The following THSD4 variants were observed in gnomAD, a reference collection of about 807,000 sequenced individuals.
THSD4 encodes the protein thrombospondin type 1 domain containing 4.
Under a neutral mutation model 119.0 loss-of-function variants are expected in THSD4, and 69 were observed. The ratio of observed to expected loss-of-function variants is 0.58; its 90% CI spans 0.48 to 0.71. The LOEUF (loss-of-function observed/expected upper bound fraction) is 0.71, where lower values mean the gene tolerates loss of function less well. Among genes scored for constraint, THSD4 ranks in the 30% least tolerant of loss-of-function variants. The probability of loss-of-function intolerance (pLI) is 0.00; values close to 1 mark genes in which losing one functional copy is unlikely to be tolerated. For missense variants in THSD4, 1,393 were observed against 1,391.1 expected, an observed-to-expected ratio of 1.00 and a Z score of -0.02; for synonymous variants, 524 against 540.4, an observed-to-expected ratio of 0.97 and a Z score of 0.42.
chr15:71,540,613 G>C (rs112372355), intron 7 of THSD4, among the ~76,000 whole-genome samples: 8,305 of 138,394 alleles, frequency 0.06, 262 homozygotes, highest in Middle Eastern at 0.12. Flanking sequence ...ATTTTTAGTA[G>C]AGATGGGGTT....
chr15:71,231,647 C>T (rs1040524063), intron 4 of THSD4, among the ~76,000 whole-genome samples: 2 of 152,174 alleles, frequency 1.3e-5, no homozygotes, highest in East Asian at 3.9e-4. Flanking sequence ...AGCTGATTCT[C>T]ATGCTGGCCT....
chr15:71,665,472 C>CT (rs1311738498), intron 8 of THSD4, among the ~76,000 whole-genome samples: 1 of 152,098 alleles, frequency 6.6e-6, no homozygotes, highest in Non-Finnish European at 1.5e-5. Context: ...TTGACAGTTT[C>CT]TTTTGCTGTG....
At chr15:71,726,570 AT>A (rs1330305208) in intron 8 of THSD4, among the ~76,000 whole-genome samples, 1 of 152,182 alleles carries the variant, frequency 6.6e-6, no homozygotes, top group Admixed American at 6.5e-5. Context: ...AAAAAGTTAA[AT>A]TTAGGAATTC....
intron 6 of THSD4, among the ~76,000 whole-genome samples, chr15:71,366,506 T>C (rs936550184): frequency 3.3e-5 from 5 of 152,168 alleles, no homozygotes; most frequent in African/African-American, 1.2e-4. Context: ...AGAGTTCTTC[T>C]GAGGCTCCTC....
intron 3 of THSD4, among the ~76,000 whole-genome samples, chr15:71,214,212 G>A (rs1053401214): frequency 4.0e-5 from 6 of 148,318 alleles, no homozygotes; most frequent in Admixed American, 1.3e-4. Flanking sequence ...GGATGTGGGC[G>A]GGGACAAATA....
intron 3 of THSD4, among the ~76,000 whole-genome samples, chr15:71,180,201 T>C (rs1596249003): frequency 7.3e-6 from 1 of 137,302 alleles, no homozygotes; most frequent in Non-Finnish European, 1.6e-5. Context: ...ATCAACAGAG[T>C]ATAAAGGCAA....
At chr15:71,593,563 C>T (rs2049849310) in intron 7 of THSD4, among the ~76,000 whole-genome samples, 2 of 152,006 alleles carry the variant, frequency 1.3e-5, no homozygotes, top group African/African-American at 4.8e-5. Context: ...TGCCCTCCTA[C>T]CTGTTCCTGC....
chr15:71,568,716 A>G (rs1033288294), intron 7 of THSD4, among the ~76,000 whole-genome samples: 1 of 151,988 alleles, frequency 6.6e-6, no homozygotes, highest in African/African-American at 2.4e-5. Flanking sequence ...CATTAGATAT[A>G]TCTCCTCATG....
rs538874659 is a variant in THSD4 at position 71,351,441 on chromosome 15, C to T, written c.1016-60246C>T. On this transcript the variant is annotated intron_variant, in intron 6 of 17. Transcript: ENST00000261862. ...TACTATAGACCCTTAACCAACATTGCTTCTGTTGATTGATTTTACTCTGGT... is the reference window on the plus strand; with the variant it reads ...TACTATAGACCCTTAACCAACATTGTTTCTGTTGATTGATTTTACTCTGGT... Among the ~76,000 whole-genome samples the T allele has an allele frequency of 2.6e-5, 4 of 152,270 alleles. No individual in the cohort carries two copies. The South Asian group carries it at 8.3e-4, about 32-fold the overall frequency.
chr15:71,326,781 G>A (rs985758693), intron 6 of THSD4, among the ~76,000 whole-genome samples: 1 of 134,532 alleles, frequency 7.4e-6, no homozygotes, highest in African/African-American at 2.7e-5. Context: ...AGGCTGAAGT[G>A]GGAGGATCAC....
chr15:71,497,251 G>A (rs1434172684), intron 7 of THSD4, among the ~76,000 whole-genome samples: 1 of 152,210 alleles, frequency 6.6e-6, no homozygotes, highest in Non-Finnish European at 1.5e-5. Flanking sequence ...GGTGGCTTAT[G>A]CCTATAATCC....
intron 7 of THSD4, among the ~76,000 whole-genome samples, chr15:71,515,140 T>C (rs1219855775): frequency 6.6e-6 from 1 of 152,236 alleles, no homozygotes; most frequent in East Asian, 1.9e-4. Context: ...GCAATTTACA[T>C]TCTCACCAGC....
intron 1 of THSD4, among the ~76,000 whole-genome samples, chr15:71,117,160 C>A (rs2040370094): frequency 6.6e-6 from 1 of 152,090 alleles, no homozygotes; most frequent in South Asian, 2.1e-4. Flanking sequence ...GGGAGGCTGG[C>A]CAGTGGAACT....
intron 6 of THSD4, among the ~76,000 whole-genome samples, chr15:71,382,353 C>T (rs951891069): frequency 1.3e-5 from 2 of 152,172 alleles, no homozygotes; most frequent in African/African-American, 4.8e-5. Flanking sequence ...ACAGAGAGGA[C>T]CAAATGCTAG....
rs1595943262 is a variant in THSD4, at chr15:71,778,705, A to C, written c.*1331A>C. 1 of 128,458 alleles carries C rather than the reference A, an allele frequency of 7.8e-6. No homozygotes were observed. Among genetic ancestry groups the C allele is most frequent in the Admixed American group, 8.3e-5 (1 of 12,002 alleles). The allele number at this position is 128,458 out of a possible 1,614,324, so 8.0% of individuals were successfully genotyped here. A position where few individuals can be genotyped will look rare whatever the true frequency, so the allele number is the denominator to read the frequency against. ...CCATGACTCACAGTCCATATGGCCC[A>C]CCCCCAGACTTGAGCACCAAGCTCT... On this transcript the variant is annotated 3_prime_UTR_variant, in exon 18 of 18. Coordinates refer to ENST00000261862, the MANE Select transcript of THSD4 (RefSeq NM_024817.3).
At chr15:71,528,358 A>C (rs1254668692) in intron 7 of THSD4, among the ~76,000 whole-genome samples, 3 of 152,092 alleles carry the variant, frequency 2.0e-5, no homozygotes, top group African/African-American at 7.2e-5. Context: ...TTTGTCAGCA[A>C]CTTCTCATTC....
intron 8 of THSD4, among the ~76,000 whole-genome samples, chr15:71,694,342 C>T (rs1012700902): frequency 1.3e-5 from 2 of 152,194 alleles, no homozygotes; most frequent in African/African-American, 4.8e-5. Context: ...GCATTTTTCA[C>T]TTGCCTCTAA....
At position 71,664,241 on chromosome 15, in the gene THSD4, C is replaced by G. The variant is rs2141002435; in HGVS notation, c.1357+3507C>G. Among the ~76,000 whole-genome samples the G allele has an allele frequency of 2.0e-5, 3 of 152,246 alleles. No homozygotes were observed. The South Asian group carries it at 6.2e-4, about 32-fold the overall frequency. On this transcript the variant is annotated intron_variant, in intron 8 of 17. Coordinates refer to ENST00000261862, the MANE Select transcript of THSD4 (RefSeq NM_024817.3). Reference sequence around the variant, plus strand: ...TCGTGATCCGCCCGCCTCAGCCTCCCAAAGTGCTGGGATTACAGGCATGAG... The same window carrying G: ...TCGTGATCCGCCCGCCTCAGCCTCCGAAAGTGCTGGGATTACAGGCATGAG...
chr15:71,226,342 G>A (rs569219340), intron 4 of THSD4, among the ~76,000 whole-genome samples: 17 of 152,256 alleles, frequency 1.1e-4, no homozygotes, highest in African/African-American at 3.8e-4. Flanking sequence ...TTGTCTGTGT[G>A]TCCATGTTCA....
Sources: allele counts gnomAD v4.1 joint callset (sites outside exome capture counted in the v4.1 genomes callset), GRCh38; gene constraint gnomAD v4.1.1; transcripts MANE v1.5; gene names NCBI Gene and HGNC (gene_info 2026-07-23, HGNC 2026-07-21).